The following DNAJC5B variants were observed in gnomAD, a reference collection of about 807,000 sequenced individuals.
The protein encoded by DNAJC5B is DnaJ heat shock protein family (Hsp40) member C5 beta.
Under a neutral mutation model 24.7 loss-of-function variants are expected in DNAJC5B, and 23 were observed. That is an observed-to-expected ratio of 0.93 (90% CI 0.67 to 1.32). The LOEUF (loss-of-function observed/expected upper bound fraction) is 1.32. Among genes scored for constraint, DNAJC5B ranks in the 40% most tolerant of loss-of-function variants. The pLI is 0.00. For synonymous variants in DNAJC5B, 101 were observed against 90.1 expected (o/e 1.12, Z -0.68); for missense variants, 238 against 240.8 (o/e 0.99, Z 0.08).
chr8:66,042,693 C>A, intron 1 of DNAJC5B, among the ~76,000 whole-genome samples: 1 of 118,446 alleles, frequency 8.4e-6, no homozygotes, highest in Admixed American at 8.7e-5. Context: ...TCCCTCCTCT[C>A]TCCCCCTCCC....
At chr8:66,077,524 T>C (rs1284659720) in intron 4 of DNAJC5B, among the ~76,000 whole-genome samples, 1 of 152,202 alleles carries the variant, frequency 6.6e-6, no homozygotes, top group East Asian at 1.9e-4. Context: ...CTAGTATATA[T>C]ATGTTTGGTG....
chr8:66,034,396 G>A (rs79566857), intron 1 of DNAJC5B, among the ~76,000 whole-genome samples: 8,365 of 152,106 alleles, frequency 0.055, 338 homozygotes, highest in Middle Eastern at 0.1. Flanking sequence ...TCCAATGTTG[G>A]CTGGGGTGGT....
intron 1 of DNAJC5B, among the ~76,000 whole-genome samples, chr8:66,037,889 C>T (rs1002850525): frequency 1.2e-4 from 18 of 152,152 alleles, no homozygotes; most frequent in Admixed American, 3.3e-4. Flanking sequence ...CCTCCACCAG[C>T]AAGTTGAAAC....
intron 1 of DNAJC5B, among the ~76,000 whole-genome samples, chr8:66,028,568 A>G (rs763200597): frequency 2.1e-4 from 30 of 140,606 alleles, no homozygotes; most frequent in Non-Finnish European, 4.3e-4. Context: ...ACCTCAGCCA[A>G]CGGGCCTCAC....
intron 4 of DNAJC5B, among the ~76,000 whole-genome samples, chr8:66,077,594 A>ACATGGGTCATACATGT (rs1807496082): frequency 6.6e-6 from 1 of 152,234 alleles, no homozygotes; most frequent in South Asian, 2.1e-4. Flanking sequence ...CTATGTTTAC[A>ACATGGGTCATACATGT]CATGGGTCAT....
intron 1 of DNAJC5B, among the ~76,000 whole-genome samples, chr8:66,042,524 TG>T (rs1386245038): frequency 6.6e-6 from 1 of 152,222 alleles, no homozygotes; most frequent in African/African-American, 2.4e-5. Flanking sequence ...CAAAGGACAC[TG>T]TCCTTAAGCT....
At chr8:66,083,505 G>A (rs999337517) in intron 5 of DNAJC5B, among the ~76,000 whole-genome samples, 1 of 152,146 alleles carries the variant, frequency 6.6e-6, no homozygotes, top group Admixed American at 6.5e-5. Context: ...TCATATAGAA[G>A]ATATAAGATT....
chr8:66,039,229 T>A (rs1363157276), intron 1 of DNAJC5B, among the ~76,000 whole-genome samples: 1 of 152,202 alleles, frequency 6.6e-6, no homozygotes, highest in Non-Finnish European at 1.5e-5. Flanking sequence ...TCAACCAGCC[T>A]GATTTCAAAG....
intron 4 of DNAJC5B, among the ~76,000 whole-genome samples, chr8:66,077,168 A>G (rs1229527949): frequency 6.6e-6 from 1 of 152,234 alleles, no homozygotes; most frequent in Non-Finnish European, 1.5e-5. Flanking sequence ...GCTCAAAACC[A>G]AAAATAATTT....
rs192836858 is a variant in DNAJC5B, at chr8:66,051,035, A to G, written c.-17-496A>G. Among the ~76,000 whole-genome samples, 308 of 152,332 alleles carry G rather than the reference A, an allele frequency of 2.0e-3. 1 individual carries two copies. Among genetic ancestry groups the G allele is most frequent in the Non-Finnish European group, 3.6e-3 (248 of 68,028 alleles). On this transcript the variant is annotated intron_variant, in intron 2 of 5. Transcript: ENST00000276570. ...TAATATATTGTTATTGACTATTGTC[A>G]CCAAGTTGTACAACAGATTTCTTGA...
intron 5 of DNAJC5B, among the ~76,000 whole-genome samples, chr8:66,088,056 A>G (rs922795393): frequency 6.6e-6 from 1 of 152,120 alleles, no homozygotes; most frequent in African/African-American, 2.4e-5. Flanking sequence ...TGAGGGCTTT[A>G]CCCCTGCAGT....
chr8:66,076,988 A>G, intron 4 of DNAJC5B, 115 bp downstream of exon 4: 1 of 1,072,158 alleles, frequency 9.3e-7, no homozygotes, highest in African/African-American at 1.6e-5. Flanking sequence ...CTGGTAAATA[A>G]AAGGAGATAT....
chr8:66,021,875 G>A (rs973152405), intron 1 of DNAJC5B, among the ~76,000 whole-genome samples, 170 bp downstream of exon 1: 1 of 152,358 alleles, frequency 6.6e-6, no homozygotes, highest in East Asian at 1.9e-4. Flanking sequence ...TTCCGAGGCT[G>A]TAGTCCACTT....
intron 5 of DNAJC5B, among the ~76,000 whole-genome samples, chr8:66,080,754 T>C (rs189732150): frequency 3.6e-4 from 55 of 152,248 alleles, no homozygotes; most frequent in Non-Finnish European, 6.0e-4. Context: ...CAGTGCCTGA[T>C]GCCGTTAGAA....
intron 1 of DNAJC5B, among the ~76,000 whole-genome samples, chr8:66,036,208 C>T (rs1220703304): frequency 6.6e-6 from 1 of 152,150 alleles, no homozygotes; most frequent in Non-Finnish European, 1.5e-5. Flanking sequence ...CCCAGCAGCC[C>T]CCGGCAGCAT....
intron 1 of DNAJC5B, among the ~76,000 whole-genome samples, chr8:66,040,688 A>C (rs1471779149): frequency 2.0e-5 from 3 of 152,138 alleles, no homozygotes; most frequent in African/African-American, 7.2e-5. Flanking sequence ...TAAAAAGTGC[A>C]TAAGCCCAGC....
intron 1 of DNAJC5B, among the ~76,000 whole-genome samples, chr8:66,034,410 T>G (rs1185106766): frequency 6.6e-6 from 1 of 151,572 alleles, no homozygotes; most frequent in African/African-American, 2.4e-5. Context: ...GGGTGGTGGA[T>G]AGAGTTAGGA....
rs534760911 is a variant in DNAJC5B, at chr8:66,062,560, G to A, written c.119+10894G>A. On this transcript the variant is annotated intron_variant, in intron 3 of 5. Transcript: ENST00000276570. ...GGAAACAAGATTAAGATGCCCCAAA[G>A]TGAGGCTGACTGGTTTCTCTAGCAT... Among the ~76,000 whole-genome samples the A allele has an allele frequency of 2.0e-5, 3 of 152,322 alleles. No individual in the cohort carries two copies. The East Asian group carries it at 5.8e-4, about 29-fold the overall frequency.
At position 66,080,442 on chromosome 8, in the gene DNAJC5B, CAACTGCTGCTGT is replaced by C. The variant is rs1242493736; in HGVS notation, c.400_411del (p.Asn134_Cys137del). The C allele has an allele frequency of 6.2e-7, 1 of 1,614,086 alleles. No homozygotes were observed. Among genetic ancestry groups the C allele is most frequent in the Non-Finnish European group, 8.5e-7 (1 of 1,180,014 alleles). ...TTTGCTGCTGCCTGTGCTGCTGCTGCAACTGCTGCTGTGGACACTGCCGGCCCGAGTCATCAG... is the reference window on the plus strand; with the variant it reads ...TTTGCTGCTGCCTGTGCTGCTGCTGCGGACACTGCCGGCCCGAGTCATCAG... On this transcript the variant is annotated inframe_deletion, in exon 5 of 6. Coordinates refer to ENST00000276570, the MANE Select transcript of DNAJC5B (RefSeq NM_033105.6).
Sources: gnomAD v4.1 joint callset for allele counts (sites outside exome capture counted in the v4.1 genomes callset) on GRCh38, gnomAD v4.1.1 for gene constraint, MANE v1.5 for transcripts, NCBI Gene and HGNC (gene_info 2026-07-23, HGNC 2026-07-21) for gene names.